Variants in NEMP1 observed in about 807,000 individuals in gnomAD.
NEMP1 encodes the protein transmembrane protein 194.
NEMP1 carries 29 observed loss-of-function variants against 53.7 expected under a neutral mutation model. The ratio of observed to expected loss-of-function variants is 0.54; its 90% CI spans 0.40 to 0.74. NEMP1 has a LOEUF of 0.74. Ranked by LOEUF, NEMP1 falls within the 30% of genes least tolerant of loss-of-function variation. NEMP1 has a pLI of 0.00. For missense variants in NEMP1, 477 were observed against 528.6 expected, an observed-to-expected ratio of 0.90 and a Z score of 0.96; for synonymous variants, 193 against 192.9, an observed-to-expected ratio of 1.00 and a Z score of 0.00.
intron 1 of NEMP1, among the ~76,000 whole-genome samples, chr12:57,073,593 G>A (rs942280733): frequency 3.3e-5 from 5 of 152,038 alleles, no homozygotes; most frequent in Non-Finnish European, 2.9e-5. Context: ...GAGGTGAGCC[G>A]AGATCACGCC....
At chr12:57,077,246 G>A (rs1295260796) in intron 1 of NEMP1, among the ~76,000 whole-genome samples, 1 of 148,862 alleles carries the variant, frequency 6.7e-6, no homozygotes, top group African/African-American at 2.5e-5. Flanking sequence ...GCAGGAGAAT[G>A]GCGTGAACCT....
rs530055543 is a variant in NEMP1 at position 57,072,920 on chromosome 12, C to T, written c.128-8G>A. ...CATTTACATCAGTTTCAGCTTTATG[C>T]AAAGAAAGGAAACAAGAATTAAACA... On this transcript the variant is annotated splice_region_variant and splice_polypyrimidine_tract_variant and intron_variant, in intron 1 of 8. Coordinates refer to ENST00000300128, the MANE Select transcript of NEMP1 (RefSeq NM_001130963.2). 6.5e-5 allele frequency: 104 copies of T among 1,598,716 alleles called. 1 individual carries two copies. In the South Asian group the frequency reaches 1.1e-3, roughly 17 times the overall value.
chr12:57,064,221 C>T, intron 5 of NEMP1, 36 bp from the exon 6 acceptor site: 2 of 1,374,682 alleles, frequency 1.5e-6, no homozygotes, highest in South Asian at 1.3e-5. Flanking sequence ...CAAAAAGTTA[C>T]AACAGGCTTT....
chr12:57,083,272 A>G (rs1328862200), upstream of NEMP1, among the ~76,000 whole-genome samples: 2 of 152,232 alleles, frequency 1.3e-5, no homozygotes, highest in East Asian at 3.8e-4. Context: ...CTGGCTGTCC[A>G]TAAACACATT....
At chr12:57,067,904 G>C (rs1183137680) in intron 4 of NEMP1, among the ~76,000 whole-genome samples, 2 of 152,078 alleles carry the variant, frequency 1.3e-5, no homozygotes, top group Non-Finnish European at 2.9e-5. Context: ...CAAGTAGCTG[G>C]GACTACTGGC....
At chr12:57,087,004 A>T (rs2033014881) in intron 1 of NEMP1, among the ~76,000 whole-genome samples, 1 of 152,120 alleles carries the variant, frequency 6.6e-6, no homozygotes, top group Non-Finnish European at 1.5e-5. Context: ...CGGTAGTTTC[A>T]CTCTCACACA....
upstream of NEMP1, among the ~76,000 whole-genome samples, chr12:57,082,880 G>T (rs1381682690): frequency 6.6e-6 from 1 of 152,000 alleles, no homozygotes; most frequent in East Asian, 1.9e-4. Context: ...AATTAGCCAG[G>T]TGTGGTGGCA....
chr12:57,062,970 AT>A (rs1213871811), intron 7 of NEMP1, 148 bp downstream of exon 7: 7 of 554,714 alleles, frequency 1.3e-5, no homozygotes, highest in South Asian at 6.5e-5. Flanking sequence ...AAAAAAAAAA[AT>A]AGACTCGGGA....
At chr12:57,087,447 TGG>T (rs890294009) in intron 1 of NEMP1, among the ~76,000 whole-genome samples, 1 of 18,204 alleles carries the variant, frequency 5.5e-5, no homozygotes, top group Non-Finnish European at 1.3e-4. Context: ...TAACCTGAGG[TGG>T]GGGGGGAGGG....
chr12:57,086,542 C>A (rs979863262), intron 1 of NEMP1, among the ~76,000 whole-genome samples: 15 of 151,590 alleles, frequency 9.9e-5, no homozygotes, highest in African/African-American at 2.9e-4. Flanking sequence ...CCCCCCCACA[C>A]ACACACCTGT....
upstream of NEMP1, among the ~76,000 whole-genome samples, chr12:57,079,012 T>G (rs2032764228): frequency 6.6e-6 from 1 of 152,250 alleles, no homozygotes; most frequent in African/African-American, 2.4e-5. Context: ...GCTAACAACA[T>G]GCTTCCGTCT....
chr12:57,064,107 G>A lies in NEMP1; in HGVS notation c.718C>T (p.Gln240Ter). ...TGCCAGTAACACCTCCAGATCTCTT[G>A]TAAATTTTTAAAAACTAGTTGAATG... ...YLIQLVFKNL[Q>*]EIWRCYWQYL... Residue 240 changes from glutamine (Q) to a stop codon, truncating the protein, a stop_gained, in exon 6 of 9, where the codon CAA becomes TAA. Coordinates refer to ENST00000300128, the MANE Select transcript of NEMP1 (RefSeq NM_001130963.2). LOFTEE classifies it high-confidence loss of function. 6.2e-7 allele frequency: 1 copy of A among 1,610,464 alleles called. No homozygotes were observed. The highest frequency in any genetic ancestry group is 1.1e-5 in the South Asian group (1 of 90,326).
rs772295924 is a variant in NEMP1 at position 57,069,317 on chromosome 12, T to C, written c.473-11A>G. 2.6e-6 allele frequency: 4 copies of C among 1,530,194 alleles called. No homozygotes were observed. In the South Asian group the frequency reaches 4.9e-5, roughly 19 times the overall value. The allele number at this position is 1,530,194 out of a possible 1,614,324, so 94.8% of individuals were successfully genotyped here. On this transcript the variant is annotated splice_polypyrimidine_tract_variant and intron_variant, in intron 3 of 8. Transcript: ENST00000300128. ...GTTTGGGATCAAATCCTGAAATAAA[T>C]AAAGATTTTTGCTTAATAAGGGAAC... is the stretch of plus-strand genomic sequence containing the variant.
intron 4 of NEMP1, among the ~76,000 whole-genome samples, chr12:57,065,997 G>A (rs919534538): frequency 6.6e-6 from 1 of 152,048 alleles, no homozygotes; most frequent in South Asian, 2.1e-4. Context: ...GCTCAAGCCT[G>A]TAATCCCAGC....
intron 8 of NEMP1, 25 bp from the exon 9 acceptor site, chr12:57,060,084 T>C (rs901122267): frequency 1.2e-6 from 2 of 1,607,550 alleles, no homozygotes; most frequent in African/African-American, 2.7e-5. Flanking sequence ...ATAATACTCG[T>C]TAGAAATATC....
chr12:57,061,112 A>G (rs746358064), intron 7 of NEMP1, among the ~76,000 whole-genome samples, 167 bp from the exon 8 acceptor site: 1 of 152,140 alleles, frequency 6.6e-6, no homozygotes, highest in Admixed American at 6.5e-5. Context: ...CTCCTGATAC[A>G]TTAGACTATG....
rs2031706977 is a variant in NEMP1 at position 57,059,824 on chromosome 12, A to G, written c.*55T>C. 8.6e-6 allele frequency: 13 copies of G among 1,503,516 alleles called. No individual in the cohort carries two copies. Among genetic ancestry groups the G allele is most frequent in the Admixed American group, 1.8e-5 (1 of 55,800 alleles). 93.1% of individuals were successfully genotyped at this position (1,503,516 alleles called of 1,614,324 possible). ...AGGGTTGAAAGCAATTGCACAACAC[A>G]TGCAACATGGACCAAGGCACCAAGC... On this transcript the variant is annotated 3_prime_UTR_variant, in exon 9 of 9. Transcript: ENST00000300128.
upstream of NEMP1, among the ~76,000 whole-genome samples, chr12:57,081,906 C>A (rs967472715): frequency 1.5e-5 from 2 of 135,428 alleles, no homozygotes; most frequent in Non-Finnish European, 3.1e-5. Context: ...GACTCCGTCT[C>A]AAAAAATAAG....
chr12:57,086,414 G>A (rs1368609855), intron 1 of NEMP1, among the ~76,000 whole-genome samples: 2 of 152,156 alleles, frequency 1.3e-5, no homozygotes, highest in African/African-American at 4.8e-5. Flanking sequence ...GGTGAGTCAG[G>A]CACAGAAGTG....
Sources: allele counts gnomAD v4.1 joint callset (sites outside exome capture counted in the v4.1 genomes callset), GRCh38; gene constraint gnomAD v4.1.1; transcripts MANE v1.5; gene names NCBI Gene and HGNC (gene_info 2026-07-23, HGNC 2026-07-21).